Variants in TBC1D32 observed in about 807,000 individuals in gnomAD.
TBC1D32 encodes the protein TBC1 domain family member 32.
TBC1D32 carries 151 observed loss-of-function variants against 170.3 expected under a neutral mutation model. That is an observed-to-expected ratio of 0.89 (90% confidence interval 0.78 to 1.01). The LOEUF is 1.01. Among genes scored for constraint, TBC1D32 ranks in the 50% least tolerant of loss-of-function variants. The pLI, the probability that TBC1D32 is intolerant of heterozygous loss-of-function variation, is 0.00. For synonymous variants in TBC1D32, 498 were observed against 488.0 expected, an observed-to-expected ratio of 1.02 and a Z score of -0.27; for missense variants, 1,464 against 1,457.1, an observed-to-expected ratio of 1.00 and a Z score of -0.08.
At chr6:121,184,189 G>T (rs1354516049) in intron 22 of TBC1D32, among the ~76,000 whole-genome samples, 2 of 151,886 alleles carry the variant, frequency 1.3e-5, no homozygotes, top group Non-Finnish European at 2.9e-5. Context: ...TCAAAATTTG[G>T]TCTAGGGTAG....
chr6:121,246,587 C>T (rs1054243518), intron 17 of TBC1D32, among the ~76,000 whole-genome samples: 2 of 151,338 alleles, frequency 1.3e-5, no homozygotes, highest in African/African-American at 4.9e-5. Flanking sequence ...TTAAGCTACT[C>T]AAGGAGATAA....
At chr6:121,162,781 C>T (rs1467784625) in intron 22 of TBC1D32, among the ~76,000 whole-genome samples, 2 of 131,004 alleles carry the variant, frequency 1.5e-5, no homozygotes, top group Non-Finnish European at 3.4e-5. Context: ...ACGCAGAAAA[C>T]AGGTGATTTC....
chr6:121,326,098 A>G (rs988209618), intron 1 of TBC1D32, among the ~76,000 whole-genome samples: 6 of 152,210 alleles, frequency 3.9e-5, no homozygotes, highest in Admixed American at 1.3e-4. Context: ...ATGCTTTGTT[A>G]TAAAGCCCAA....
chr6:121,252,906 T>C (rs141286040), intron 17 of TBC1D32, among the ~76,000 whole-genome samples: 29 of 152,182 alleles, frequency 1.9e-4, no homozygotes, highest in Non-Finnish European at 2.2e-4. Flanking sequence ...GCAAGCCACA[T>C]GTAGAAGAAA....
intron 17 of TBC1D32, among the ~76,000 whole-genome samples, chr6:121,242,795 T>C (rs1241282200): frequency 6.6e-6 from 1 of 152,052 alleles, no homozygotes; most frequent in African/African-American, 2.4e-5. Context: ...TTAATTTATT[T>C]TACTTTTGGG....
intron 15 of TBC1D32, among the ~76,000 whole-genome samples, chr6:121,256,673 CTTTTTTTTT>C (rs953300572): frequency 1.4e-5 from 2 of 139,878 alleles, no homozygotes; most frequent in Admixed American, 1.7e-4. Flanking sequence ...GGCTGAGAAA[CTTTTTTTTT>C]TCTTTTTTTT....
At chr6:121,320,226 A>G (rs76831573) in intron 2 of TBC1D32, among the ~76,000 whole-genome samples, 1 of 150,026 alleles carries the variant, frequency 6.7e-6, no homozygotes, top group African/African-American at 2.5e-5. Flanking sequence ...GAAAAAAAAA[A>G]CTGGGAAAAA....
intron 29 of TBC1D32, among the ~76,000 whole-genome samples, chr6:121,108,592 C>A (rs1778919119): frequency 6.6e-6 from 1 of 151,864 alleles, no homozygotes; most frequent in Non-Finnish European, 1.5e-5. Flanking sequence ...GAAGCAAGGA[C>A]TTTACAACAA....
chr6:121,132,362 T>C (rs1440217446), intron 24 of TBC1D32, among the ~76,000 whole-genome samples: 2 of 151,974 alleles, frequency 1.3e-5, no homozygotes, highest in African/African-American at 2.4e-5. Context: ...TGAAAGACAC[T>C]CTCTATACTA....
At chr6:121,310,044 T>C (rs1807941330) in intron 4 of TBC1D32, among the ~76,000 whole-genome samples, 1 of 151,486 alleles carries the variant, frequency 6.6e-6, no homozygotes, top group Non-Finnish European at 1.5e-5. Context: ...TAAATATATA[T>C]ATATATAAAA....
At chr6:121,104,281 G>A (rs407586) in intron 30 of TBC1D32, among the ~76,000 whole-genome samples, 54,987 of 151,356 alleles carry the variant, frequency 0.36, 15,733 homozygotes, top group African/African-American at 0.78. Context: ...AGAAGTCCCA[G>A]GATCAACTTA....
intron 24 of TBC1D32, among the ~76,000 whole-genome samples, chr6:121,136,931 T>G (rs187282113): frequency 6.6e-6 from 1 of 152,250 alleles, no homozygotes; most frequent in Admixed American, 6.5e-5. Flanking sequence ...TTATAGTTCA[T>G]AATTAGTTAT....
intron 25 of TBC1D32, 55 bp downstream of exon 25, chr6:121,131,572 C>A: frequency 6.5e-7 from 1 of 1,543,408 alleles, no homozygotes; most frequent in Non-Finnish European, 8.8e-7. Flanking sequence ...ACCACAGATT[C>A]TATTAATATA....
chr6:121,282,654 TC>T (rs1356902343), intron 13 of TBC1D32, among the ~76,000 whole-genome samples: 1 of 151,782 alleles, frequency 6.6e-6, no homozygotes, highest in Non-Finnish European at 1.5e-5. Context: ...ATTCTTTCAC[TC>T]ATCCAATCAT....
At position 121,334,371 on chromosome 6, in the gene TBC1D32, G is replaced by A. The variant is rs1206797416; in HGVS notation, c.60C>T (p.Phe20=). The part of the protein sequence containing the change: ...AMLQAMLRRL[F]QSVKEKITGA... Reference sequence around the variant, plus strand: ...CCGTGATTTTCTCCTTCACGCTCTGGAACAACCGCCTCAGCATCGCCTGCA... The same window carrying A: ...CCGTGATTTTCTCCTTCACGCTCTGAAACAACCGCCTCAGCATCGCCTGCA... The change falls in exon 1 of 32, where the codon TTC becomes TTT. Residue 20 remains phenylalanine, a synonymous_variant. Transcript: ENST00000398212. 1 of 1,614,068 alleles carries A rather than the reference G, an allele frequency of 6.2e-7. No individual in the cohort carries two copies. The highest frequency in any genetic ancestry group is 2.2e-5 in the East Asian group (1 of 44,890).
intron 22 of TBC1D32, among the ~76,000 whole-genome samples, chr6:121,198,113 T>C (rs1276613864): frequency 1.3e-5 from 2 of 149,698 alleles, no homozygotes; most frequent in Non-Finnish European, 2.9e-5. Context: ...TTGTGAAACC[T>C]TGTGATCAGG....
In TBC1D32 at chr6:121,131,710, TCA is replaced by T. The variant is rs1781458593; in HGVS notation, c.2814_2815del (p.Asp939Ter). On this transcript the variant is annotated frameshift_variant, in exon 25 of 32. Coordinates refer to ENST00000398212, the MANE Select transcript of TBC1D32 (RefSeq NM_152730.6). LOFTEE classifies it high-confidence loss of function. ...GTTTTCTATCCATTCAGTTTGTTTATCAGATATTTTGAGGCATAATAAAAGCT... is the reference window on the plus strand; with the variant it reads ...GTTTTCTATCCATTCAGTTTGTTTATGATATTTTGAGGCATAATAAAAGCT... 1.2e-6 allele frequency: 2 copies of T among 1,609,030 alleles called. No individual in the cohort carries two copies. Among genetic ancestry groups the T allele is most frequent in the Non-Finnish European group, 1.7e-6 (2 of 1,176,860 alleles).
At chr6:121,285,620 A>G (rs1356864326) in intron 12 of TBC1D32, among the ~76,000 whole-genome samples, 2 of 152,026 alleles carry the variant, frequency 1.3e-5, no homozygotes, top group South Asian at 2.1e-4. Flanking sequence ...TGCATTTCCA[A>G]CTGAGCCTTG....
chr6:121,182,414 T>A (rs1213591841), intron 22 of TBC1D32, among the ~76,000 whole-genome samples: 1 of 152,026 alleles, frequency 6.6e-6, no homozygotes, highest in Non-Finnish European at 1.5e-5. Context: ...AAACTCAGAA[T>A]ACTAATAAAA....
Sources: gnomAD v4.1 joint callset for allele counts (sites outside exome capture counted in the v4.1 genomes callset) on GRCh38, gnomAD v4.1.1 for gene constraint, MANE v1.5 for transcripts, NCBI Gene and HGNC (gene_info 2026-07-23, HGNC 2026-07-21) for gene names.